The following COBL variants were observed in gnomAD, a reference collection of about 807,000 sequenced individuals.
The protein encoded by COBL is cordon-bleu WH2 repeat protein.
Under a neutral mutation model 98.8 loss-of-function variants are expected in COBL, and 51 were observed. The observed-to-expected ratio is 0.52, with a 90% confidence interval of 0.41 to 0.65. The LOEUF is 0.65. Ranked by LOEUF, COBL falls within the 30% of genes least tolerant of loss-of-function variation. The pLI, the probability that COBL is intolerant of heterozygous loss-of-function variation, is 0.00. For synonymous variants in COBL, 634 were observed against 651.7 expected, an observed-to-expected ratio of 0.97 and a Z score of 0.41; for missense variants, 1,617 against 1,617.5, an observed-to-expected ratio of 1.00 and a Z score of 0.01.
intron 7 of COBL, among the ~76,000 whole-genome samples, chr7:51,061,776 C>T (rs950629155): frequency 6.6e-6 from 1 of 152,166 alleles, no homozygotes; most frequent in Non-Finnish European, 1.5e-5. Context: ...GGACACCCAT[C>T]TTCTCCTGTG....
Position 51,029,188 on chromosome 7 carries a change from C to G in COBL, c.1908G>C (p.Ser636=), listed in dbSNP as rs761646865. 2.5e-6 allele frequency: 4 copies of G among 1,613,972 alleles called. No individual in the cohort carries two copies. Among genetic ancestry groups the G allele is most frequent in the Non-Finnish European group, 3.4e-6 (4 of 1,180,010 alleles). Residue 636 remains serine, a synonymous_variant, in exon 10 of 13, where the codon TCG becomes TCC. Transcript: ENST00000265136. ...CATTTAGGTTGTCTGTGTGAAGATT[C>G]GAAGCAAAAGAAGTCACCCTGGGCG... The part of the protein sequence containing the change: ...ETAPRVTSFA[S]NLHTDNLNAK...
At chr7:51,058,693 A>G (rs1388532043) in intron 7 of COBL, among the ~76,000 whole-genome samples, 1 of 152,214 alleles carries the variant, frequency 6.6e-6, no homozygotes, top group Non-Finnish European at 1.5e-5. Context: ...GGGGATAAGA[A>G]TAACAGTATT....
Position 51,153,710 on chromosome 7 carries a change from T to C in COBL, c.784-17379A>G, listed in dbSNP as rs73316845. On this transcript the variant is annotated intron_variant, in intron 5 of 12. Transcript: ENST00000265136. Reference sequence around the variant, plus strand: ...GAAATGGGGACAAGACCATGGAAGCTGCTGTGGTAAGGAGGCCGCAGGGTC... The same window carrying C: ...GAAATGGGGACAAGACCATGGAAGCCGCTGTGGTAAGGAGGCCGCAGGGTC... Among the ~76,000 whole-genome samples, 1,392 of 152,348 alleles carry C rather than the reference T, an allele frequency of 9.1e-3. 23 individuals carry two copies. The highest frequency in any genetic ancestry group is 0.031 in the African/African-American group (1,307 of 41,580).
At chr7:51,125,310 C>T (rs575749533) in intron 6 of COBL, among the ~76,000 whole-genome samples, 3 of 152,304 alleles carry the variant, frequency 2.0e-5, no homozygotes, top group African/African-American at 7.2e-5. Context: ...GCCACGGCAG[C>T]AAGACAGCTG....
At chr7:51,080,928 C>T (rs1001556922) in intron 7 of COBL, among the ~76,000 whole-genome samples, 11 of 148,506 alleles carry the variant, frequency 7.4e-5, no homozygotes, top group Middle Eastern at 3.5e-3. Flanking sequence ...ATTCATTTTC[C>T]TTAACTTTTT....
chr7:51,191,186 A>G (rs562673709), intron 3 of COBL, 108 bp from the exon 4 acceptor site: 3 of 901,702 alleles, frequency 3.3e-6, no homozygotes, highest in Non-Finnish European at 5.2e-6. Context: ...TGTAGCCTGA[A>G]TCCTTCTTCC....
intron 5 of COBL, among the ~76,000 whole-genome samples, chr7:51,144,122 G>A (rs1316812260): frequency 6.6e-6 from 1 of 152,172 alleles, no homozygotes; most frequent in Non-Finnish European, 1.5e-5. Context: ...CCACCTGGGC[G>A]GCATGTGAGC....
chr7:51,172,537 C>G, intron 5 of COBL: 1 of 1,286,202 alleles, frequency 7.8e-7, no homozygotes, highest in Non-Finnish European at 1.0e-6. Flanking sequence ...CAGCCTGGAA[C>G]ACAAGCACCA....
chr7:51,132,670 A>T (rs1335863958), intron 6 of COBL, among the ~76,000 whole-genome samples: 1 of 152,206 alleles, frequency 6.6e-6, no homozygotes, highest in African/African-American at 2.4e-5. Context: ...TAATTTACAA[A>T]GAAAAAGGGT....
chr7:51,172,768 T>TC (rs1379854186), intron 5 of COBL, among the ~76,000 whole-genome samples: 3 of 152,184 alleles, frequency 2.0e-5, no homozygotes, highest in Non-Finnish European at 4.4e-5. Context: ...TTTCTTTCTT[T>TC]CTTTTTTTCT....
chr7:51,187,915 T>G (rs1434158464), intron 4 of COBL: 2 of 1,232,332 alleles, frequency 1.6e-6, no homozygotes, highest in Admixed American at 4.2e-5. Flanking sequence ...TCACTGTACC[T>G]TGACAGCTCA....
At chr7:51,269,090 A>G (rs1156968857) in intron 1 of COBL, among the ~76,000 whole-genome samples, 1 of 152,052 alleles carries the variant, frequency 6.6e-6, no homozygotes, top group Admixed American at 6.6e-5. Context: ...CCGCTGCAGC[A>G]GGCTCTGTAT....
intron 6 of COBL, among the ~76,000 whole-genome samples, chr7:51,120,327 T>A (rs1404378104): frequency 6.6e-6 from 1 of 152,054 alleles, no homozygotes; most frequent in African/African-American, 2.4e-5. Flanking sequence ...CAGTGAACCT[T>A]CTTAGGTTCA....
chr7:51,064,361 G>C (rs1791685803), intron 7 of COBL: 1 of 151,328 alleles, frequency 6.6e-6, no homozygotes, highest in Admixed American at 6.6e-5. Context: ...CCACTTCTAG[G>C]TATATATCCC....
At chr7:51,080,463 A>G (rs1793536193) in intron 7 of COBL, among the ~76,000 whole-genome samples, 1 of 152,124 alleles carries the variant, frequency 6.6e-6, no homozygotes, top group Non-Finnish European at 1.5e-5. Context: ...GGATGAAGCA[A>G]AGATTGAGAG....
intron 6 of COBL, among the ~76,000 whole-genome samples, chr7:51,087,119 A>AACACAC (rs148428247): frequency 2.7e-4 from 41 of 149,536 alleles, no homozygotes; most frequent in Middle Eastern, 3.4e-3. Context: ...CATACACACA[A>AACACAC]ACACACACAC....
At chr7:51,053,453 T>C (rs1033355617) in intron 7 of COBL, among the ~76,000 whole-genome samples, 3 of 152,198 alleles carry the variant, frequency 2.0e-5, no homozygotes, top group Non-Finnish European at 4.4e-5. Flanking sequence ...CAGGAAGGCC[T>C]CCTCAAGCTG....
intron 7 of COBL, among the ~76,000 whole-genome samples, chr7:51,084,166 C>T (rs576924624): frequency 6.6e-6 from 1 of 152,280 alleles, no homozygotes; most frequent in East Asian, 1.9e-4. Context: ...AAGCGAGGAA[C>T]TGACTAAGGG....
At chr7:51,043,269 C>T in intron 8 of COBL, 114 bp downstream of exon 8, 1 of 1,019,150 alleles carries the variant, frequency 9.8e-7, no homozygotes, top group South Asian at 1.6e-5. Context: ...GGTCGGGGCC[C>T]CTGGTGCAGA....
Sources: allele counts gnomAD v4.1 joint callset (sites outside exome capture counted in the v4.1 genomes callset), GRCh38; gene constraint gnomAD v4.1.1; transcripts MANE v1.5; gene names NCBI Gene and HGNC (gene_info 2026-07-23, HGNC 2026-07-21).